The following APBB2 variants were observed in gnomAD, a reference collection of about 807,000 sequenced individuals.
The protein encoded by APBB2 is Fe65-like 1.
In APBB2, 38 loss-of-function variants were observed where a neutral mutation model predicts 82.5. The observed-to-expected ratio is 0.46, with a 90% CI of 0.36 to 0.60. The LOEUF (loss-of-function observed/expected upper bound fraction) is 0.60. APBB2 is among the 20% of genes least tolerant of loss of function. The pLI, the probability that APBB2 is intolerant of heterozygous loss-of-function variation, is 0.00. For synonymous variants in APBB2, 341 were observed against 368.2 expected (o/e 0.93, Z 0.85); for missense variants, 772 against 972.3 (o/e 0.79, Z 2.74).
chr4:40,951,953 A>AG (rs149141299), intron 6 of APBB2, among the ~76,000 whole-genome samples: 4,932 of 152,102 alleles, frequency 0.032, 143 homozygotes, highest in Non-Finnish European at 0.045. Context: ...TGAGAGGCCA[A>AG]GGGGGGGTGG....
chr4:41,149,887 T>A (rs755798892), intron 1 of APBB2, among the ~76,000 whole-genome samples: 1 of 152,070 alleles, frequency 6.6e-6, no homozygotes, highest in East Asian at 1.9e-4. Flanking sequence ...CCTGACACCA[T>A]GTAAGACGTG....
At chr4:41,212,773 C>A (rs1342842812) in intron 1 of APBB2, among the ~76,000 whole-genome samples, 2 of 152,186 alleles carry the variant, frequency 1.3e-5, no homozygotes, top group Admixed American at 1.3e-4. Flanking sequence ...CTATGATCAA[C>A]CCACTGTACT....
intron 6 of APBB2, among the ~76,000 whole-genome samples, chr4:41,003,349 G>A (rs529173511): frequency 1.3e-5 from 2 of 152,040 alleles, no homozygotes; most frequent in Non-Finnish European, 2.9e-5. Flanking sequence ...TATAATTCTC[G>A]CAAACATTCT....
intron 6 of APBB2, among the ~76,000 whole-genome samples, chr4:40,956,810 A>G (rs773693118): frequency 3.3e-5 from 5 of 152,282 alleles, no homozygotes; most frequent in Non-Finnish European, 5.9e-5. Flanking sequence ...AAGGTCCTTA[A>G]ATTTGGGCTT....
At chr4:41,032,787 T>A (rs1171222013) in intron 5 of APBB2, among the ~76,000 whole-genome samples, 282 of 115,474 alleles carry the variant, frequency 2.4e-3, no homozygotes, top group Non-Finnish European at 4.4e-3. Context: ...TCTTTTTTTT[T>A]TTTTTTTTTT....
At chr4:40,846,207 T>A (rs1352189223) in intron 12 of APBB2, among the ~76,000 whole-genome samples, 1 of 151,304 alleles carries the variant, frequency 6.6e-6, no homozygotes, top group Non-Finnish European at 1.5e-5. Flanking sequence ...GCGGCTTGAG[T>A]ATGGCCTTAC....
At chr4:40,818,167 G>A (rs371123401) in intron 17 of APBB2, among the ~76,000 whole-genome samples, 2 of 152,090 alleles carry the variant, frequency 1.3e-5, no homozygotes, top group Non-Finnish European at 1.5e-5. Flanking sequence ...ATTCACATAC[G>A]GACCATTCAG....
intron 10 of APBB2, among the ~76,000 whole-genome samples, chr4:40,929,371 C>T (rs367846872): frequency 7.2e-5 from 11 of 152,164 alleles, no homozygotes; most frequent in African/African-American, 2.2e-4. Context: ...GCGATCTCAG[C>T]CCACTGCAAG....
chr4:40,846,018 GTGTGT>G (rs1757500533), intron 12 of APBB2, among the ~76,000 whole-genome samples: 2 of 3,200 alleles, frequency 6.3e-4, no homozygotes, highest in Non-Finnish European at 1.7e-3. Context: ...TGAGTGGGGT[GTGTGT>G]GTGTGTGTGT....
At chr4:41,185,934 A>C (rs772204255) in intron 1 of APBB2, among the ~76,000 whole-genome samples, 1 of 152,176 alleles carries the variant, frequency 6.6e-6, no homozygotes, top group African/African-American at 2.4e-5. Flanking sequence ...TAATACCAAA[A>C]ACACCCCCAA....
intron 10 of APBB2, among the ~76,000 whole-genome samples, chr4:40,930,476 CGCGTAT>C (rs1163856459): frequency 2.8e-4 from 38 of 137,894 alleles, no homozygotes; most frequent in Admixed American, 9.0e-4. Context: ...CGTGCGCGTG[CGCGTAT>C]GCGTGTGTAT....
chr4:41,019,604 G>A (rs16852722), intron 5 of APBB2, among the ~76,000 whole-genome samples: 5,721 of 152,208 alleles, frequency 0.038, 199 homozygotes, highest in African/African-American at 0.097. Flanking sequence ...GTCGTCGGGC[G>A]TGTTGAGATG....
intron 12 of APBB2, among the ~76,000 whole-genome samples, chr4:40,841,187 A>G (rs1755689167): frequency 6.6e-6 from 1 of 152,108 alleles, no homozygotes; most frequent in Non-Finnish European, 1.5e-5. Flanking sequence ...GGCAGTCACA[A>G]CACCAGTGTG....
chr4:40,813,600 A>G lies in APBB2; in HGVS notation c.*2492T>C, dbSNP rs1744877547. ...GCCATTTTCAAAACAAAACGTCTGC[A>G]AAGTTTTCAATATGTAAAGGCTATC... On this transcript the variant is annotated 3_prime_UTR_variant, in exon 18 of 18. Transcript: ENST00000508593. The G allele has an allele frequency of 6.6e-6, 1 of 152,236 alleles. No individual in the cohort carries two copies. Among genetic ancestry groups the G allele is most frequent in the East Asian group, 1.9e-4 (1 of 5,202 alleles). The allele number at this position is 152,236 out of a possible 1,614,324, so 9.4% of individuals were successfully genotyped here.
intron 2 of APBB2, among the ~76,000 whole-genome samples, chr4:41,136,042 C>T (rs1464301649): frequency 6.6e-6 from 1 of 152,164 alleles, no homozygotes; most frequent in Admixed American, 6.5e-5. Flanking sequence ...GCTTCATCTG[C>T]AAGCAAATGA....
intron 12 of APBB2, among the ~76,000 whole-genome samples, chr4:40,834,870 G>A (rs933154962): frequency 3.9e-5 from 6 of 152,170 alleles, no homozygotes; most frequent in African/African-American, 9.7e-5. Flanking sequence ...ATCAAGTGGC[G>A]TGGCGTTAGG....
intron 6 of APBB2, among the ~76,000 whole-genome samples, chr4:40,973,549 T>C (rs112205130): frequency 4.3e-4 from 66 of 152,342 alleles, no homozygotes; most frequent in African/African-American, 1.5e-3. Context: ...ATTACAGTTG[T>C]ATTTATTTCC....
chr4:40,911,097 T>C (rs1174221263), intron 10 of APBB2, among the ~76,000 whole-genome samples: 1 of 152,254 alleles, frequency 6.6e-6, no homozygotes, highest in Non-Finnish European at 1.5e-5. Context: ...ACGACAGACA[T>C]AGGGTTGACC....
In APBB2 at chr4:41,014,237, T is replaced by C; in HGVS notation, c.181A>G (p.Ser61Gly). 1 of 1,614,248 alleles carries C rather than the reference T, an allele frequency of 6.2e-7. No individual in the cohort carries two copies. Among genetic ancestry groups the C allele is most frequent in the Non-Finnish European group, 8.5e-7 (1 of 1,180,052 alleles). Residue 61 changes from serine (S) to glycine (G), a missense_variant, in exon 6 of 18, where the codon AGC (serine) becomes GGC (glycine). Physicochemically the swap from Ser to Gly is moderately conservative, Grantham distance 56 (BLOSUM62 0). Coordinates refer to ENST00000508593, the MANE Select transcript of APBB2 (RefSeq NM_004307.2). ...TTTTTCCTGCATTTGGGAGGTGTGC[T>C]GTTCTTGGTTTCTGTGTGTTTTATT... ...AEIKHTETKN[S>G]TPPKCRKKYA...
Sources: allele counts gnomAD v4.1 joint callset (sites outside exome capture counted in the v4.1 genomes callset), GRCh38; gene constraint gnomAD v4.1.1; transcripts MANE v1.5; gene names NCBI Gene and HGNC (gene_info 2026-07-23, HGNC 2026-07-21).